The following PIK3R4 variants were observed in gnomAD, a reference collection of about 807,000 sequenced individuals.
PIK3R4 encodes phosphoinositide 3-kinase regulatory subunit 4.
PIK3R4 carries 46 observed loss-of-function variants against 136.5 expected under a neutral mutation model. The ratio of observed to expected loss-of-function variants is 0.34; its 90% CI spans 0.27 to 0.43. PIK3R4 has a LOEUF of 0.43. Among genes scored for constraint, PIK3R4 ranks in the 20% least tolerant of loss-of-function variants. PIK3R4 has a pLI of 1.00. For missense variants in PIK3R4, 1,331 were observed against 1,649.5 expected (o/e 0.81, Z 3.35); for synonymous variants, 557 against 566.7 (o/e 0.98, Z 0.24).
At chr3:130,687,377 A>C (rs2066495731) in intron 14 of PIK3R4, among the ~76,000 whole-genome samples, 1 of 152,152 alleles carries the variant, frequency 6.6e-6, no homozygotes, top group Non-Finnish European at 1.5e-5. Flanking sequence ...TGTTAACTTG[A>C]ATCATGTGAA....
chr3:130,716,455 C>G lies in PIK3R4; in HGVS notation c.2272G>C (p.Asp758His). The stretch of plus-strand genomic sequence containing the variant: ...GCAGGATCCTCTGGCGGAGGGCAGT[C>G]GGGAAGAGAACCATTTCGTTTCTTC... ...RQKKRNGSLP[D>H]CPPPEDPAIA... Residue 758 changes from aspartate to histidine, a missense_variant, in exon 9 of 20, where the codon GAC (aspartate) becomes CAC (histidine). Transcript: ENST00000356763. 1 of 1,614,142 alleles carries G rather than the reference C, an allele frequency of 6.2e-7. No individual in the cohort carries two copies. Among genetic ancestry groups the G allele is most frequent in the Non-Finnish European group, 8.5e-7 (1 of 1,180,018 alleles).
rs960748597 is a variant in PIK3R4 at position 130,730,332 on chromosome 3, G to A, written c.1561C>T (p.His521Tyr). 1.9e-6 allele frequency: 3 copies of A among 1,594,020 alleles called. No individual in the cohort carries two copies. In the African/African-American group the frequency reaches 4.1e-5, roughly 22 times the overall value. ...CCTGTGTCATAATTTCCATTTGGAT[G>A]TGTAACCTCATCTATTTCTTCATTA... ...PNNEEIDEVT[H>Y]PNGNYDTELQ... Residue 521 changes from histidine (H) to tyrosine (Y), a missense_variant, in exon 5 of 20, where the codon CAT (histidine) becomes TAT (tyrosine). Coordinates refer to ENST00000356763, the MANE Select transcript of PIK3R4 (RefSeq NM_014602.3).
At chr3:130,737,470 G>A (rs1261420024) in intron 2 of PIK3R4, among the ~76,000 whole-genome samples, 4 of 152,156 alleles carry the variant, frequency 2.6e-5, no homozygotes, top group Admixed American at 6.5e-5. Context: ...GACCAGCCTG[G>A]CCAACACAGT....
At chr3:130,715,366 C>T (rs1223101065) in intron 9 of PIK3R4, among the ~76,000 whole-genome samples, 1 of 152,028 alleles carries the variant, frequency 6.6e-6, no homozygotes. Context: ...TCGGGTGACC[C>T]ACCCACCTCG....
chr3:130,708,448 G>C lies in PIK3R4; in HGVS notation c.2376C>G (p.Asp792Glu). Residue 792 changes from aspartate to glutamate, a missense_variant, in exon 10 of 20, where the codon GAC (aspartate) becomes GAG (glutamate). By Grantham distance (45) the Asp-to-Glu change is conservative. Around this residue, in one of 2 missense-constraint regions of PIK3R4, gnomAD observed 1,180 missense variants for 1,407.0 expected, o/e 0.84. Transcript: ENST00000356763. ...EEEDKLLALK[D>E]FMMKSNKAKA... ...TTGCTTTATTAGATTTCATCATGAA[G>C]TCTTTCAGTGCCAGAAGTTTGTCTT... 1 of 1,613,402 alleles carries C rather than the reference G, an allele frequency of 6.2e-7. No individual in the cohort carries two copies. Among genetic ancestry groups the C allele is most frequent in the Non-Finnish European group, 8.5e-7 (1 of 1,179,458 alleles).
chr3:130,700,907 C>A (rs2066570636), intron 13 of PIK3R4, among the ~76,000 whole-genome samples: 1 of 152,172 alleles, frequency 6.6e-6, no homozygotes, highest in Admixed American at 6.5e-5. Flanking sequence ...GGTGTTACAG[C>A]AAAGCAAAAG....
chr3:130,717,815 A>C (rs2066674027), intron 8 of PIK3R4, among the ~76,000 whole-genome samples: 1 of 152,186 alleles, frequency 6.6e-6, no homozygotes, highest in Non-Finnish European at 1.5e-5. Context: ...CTATCTTGAT[A>C]ATTTGCTGTC....
chr3:130,687,413 C>T (rs1157858665), intron 14 of PIK3R4, among the ~76,000 whole-genome samples: 2 of 152,130 alleles, frequency 1.3e-5, no homozygotes, highest in Non-Finnish European at 2.9e-5. Context: ...CTAGGATTCT[C>T]CATTGTAAAC....
At position 130,703,813 on chromosome 3, in the gene PIK3R4, T is replaced by C. The variant is rs757525023; in HGVS notation, c.3008A>G (p.Asp1003Gly). 2 of 1,612,248 alleles carry C rather than the reference T, an allele frequency of 1.2e-6. No individual in the cohort carries two copies. Among genetic ancestry groups the C allele is most frequent in the South Asian group, 2.2e-5 (2 of 91,028 alleles). The change falls in exon 13 of 20, where the codon GAT (aspartate) becomes GGT (glycine). Residue 1003 changes from aspartate to glycine, a missense_variant. By Grantham distance (94) the Asp-to-Gly change is moderately conservative. Coordinates refer to ENST00000356763, the MANE Select transcript of PIK3R4 (RefSeq NM_014602.3). ...KSAVNRIRVS[D>G]EHSLFATCSN... ...ACATGTTGCAAAAAGTGAGTGTTCATCAGAGACTCTAATTCGATTCACAGC... is the reference window on the plus strand; with the variant it reads ...ACATGTTGCAAAAAGTGAGTGTTCACCAGAGACTCTAATTCGATTCACAGC...
intron 6 of PIK3R4, among the ~76,000 whole-genome samples, chr3:130,724,405 G>A (rs1017938099): frequency 2.0e-5 from 3 of 151,974 alleles, no homozygotes. Context: ...CACTGAATTG[G>A]GATTGTGATG....
At chr3:130,681,703 C>T (rs1576448856) in intron 16 of PIK3R4, 112 bp from the exon 17 acceptor site, 1 of 631,694 alleles carries the variant, frequency 1.6e-6, no homozygotes. Context: ...TTCTTTCTTT[C>T]AGGGGGAGAG....
chr3:130,693,182 G>C (rs60584758), intron 13 of PIK3R4, among the ~76,000 whole-genome samples: 1 of 152,052 alleles, frequency 6.6e-6, no homozygotes, highest in Admixed American at 6.5e-5. Context: ...CCGTTTTATG[G>C]CTGGTTTTCA....
In PIK3R4 at chr3:130,679,423, G is replaced by A. The variant is rs199874599; in HGVS notation, c.3969C>T (p.Ser1323=). 4 of 1,613,004 alleles carry A rather than the reference G, an allele frequency of 2.5e-6. No homozygotes were observed. The highest frequency in any genetic ancestry group is 3.3e-5 in the Admixed American group (2 of 60,016). ...TGATGTCATGATGTCCCACGGGCAG[G>A]GACTCTGGGCCCCTTCGAGGGGTGT... The part of the protein sequence containing the change: ...SDDTPRRGPE[S]LPVGHHDIIT... Residue 1323 remains serine (S), a synonymous_variant, in exon 20 of 20, where the codon TCC becomes TCT. Coordinates refer to ENST00000356763, the MANE Select transcript of PIK3R4 (RefSeq NM_014602.3).
At position 130,681,602 on chromosome 3, in the gene PIK3R4, C is replaced by T. The variant is rs1274988298; in HGVS notation, c.3608-11G>A. 11 of 1,514,402 alleles carry T rather than the reference C, an allele frequency of 7.3e-6. No individual in the cohort carries two copies. In the African/African-American group the frequency reaches 1.1e-4, roughly 15 times the overall value. The allele number at this position is 1,514,402 out of a possible 1,614,324, so 93.8% of individuals were successfully genotyped here. On this transcript the variant is annotated splice_polypyrimidine_tract_variant and intron_variant, in intron 16 of 19. Transcript: ENST00000356763. ...TGTTGCCCTGAACAGCTAAAGGAAA[C>T]AAAGGCCAGAATCTTGACTCAGACA...
intron 14 of PIK3R4, among the ~76,000 whole-genome samples, chr3:130,687,990 C>CA (rs2066498314): frequency 1.3e-5 from 2 of 152,102 alleles, no homozygotes; most frequent in Non-Finnish European, 2.9e-5. Context: ...TCTCAATGGC[C>CA]AGAGCTAAAA....
In PIK3R4 at chr3:130,746,463, G is replaced by C. The variant is rs539832897; in HGVS notation, c.-192C>G. 2 of 152,404 alleles carry C rather than the reference G, an allele frequency of 1.3e-5. No homozygotes were observed. Among genetic ancestry groups the C allele is most frequent in the East Asian group, 3.9e-4 (2 of 5,182 alleles). 9.4% of individuals were successfully genotyped at this position (152,404 alleles called of 1,614,324 possible). On this transcript the variant is annotated 5_prime_UTR_variant, in exon 1 of 20. Transcript: ENST00000356763. Reference sequence around the variant, plus strand: ...TTTCTTCATAGACAGGAGATGGGCTGTTGGTGGAGGGGCGCAGAAAAGTCC... The same window carrying C: ...TTTCTTCATAGACAGGAGATGGGCTCTTGGTGGAGGGGCGCAGAAAAGTCC...
At position 130,718,389 on chromosome 3, in the gene PIK3R4, C is replaced by A; in HGVS notation, c.2127G>T (p.Gln709His). The A allele has an allele frequency of 6.2e-7, 1 of 1,612,292 alleles. No individual in the cohort carries two copies. The highest frequency in any genetic ancestry group is 8.5e-7 in the Non-Finnish European group (1 of 1,178,784). Residue 709 changes from glutamine to histidine, a missense_variant and splice_region_variant, in exon 8 of 20, where the codon CAG becomes CAT. Gln to His is a conservative substitution (Grantham distance 24). This residue lies in a region of PIK3R4 where 1,180 missense variants were observed against 1,407.0 expected (regional missense o/e 0.84). Transcript: ENST00000356763. ...TGACTCCAACTTGGAACATGTATAC[C>A]TGTATTATTGGTTGGGTAATATATG... is the stretch of plus-strand genomic sequence containing the variant. ...LDPYITQPII[Q>H]IERKLVLLSV...
chr3:130,697,063 C>CTTTTTTTT lies in PIK3R4; in HGVS notation c.3099-6417_3099-6410dup, dbSNP rs60432343. ...TTCTATCTGACATTGGCCACTCCAG[C>CTTTTTTTT]TTTTTTTTTTTTTTTTTTTTTTTTT... On this transcript the variant is annotated intron_variant, in intron 13 of 19. Coordinates refer to ENST00000356763, the MANE Select transcript of PIK3R4 (RefSeq NM_014602.3). 2.2e-4 allele frequency among the ~76,000 whole-genome samples: 16 copies of CTTTTTTTT among 73,068 alleles called. 1 individual carries two copies. The highest frequency in any genetic ancestry group is 2.5e-4 in the African/African-American group (4 of 15,964). The allele number at this position is 73,068 out of a possible 152,430, so 47.9% of individuals were successfully genotyped here. A position where few individuals can be genotyped will look rare whatever the true frequency, so the allele number is the denominator to read the frequency against.
intron 4 of PIK3R4, among the ~76,000 whole-genome samples, chr3:130,732,345 C>T (rs145780170): frequency 0.013 from 1,914 of 152,182 alleles, 19 homozygotes; most frequent in Middle Eastern, 0.051. Flanking sequence ...AGAACATGAC[C>T]CGTTTAACAC....
Sources: gnomAD v4.1 joint callset for allele counts (sites outside exome capture counted in the v4.1 genomes callset) on GRCh38, gnomAD v4.1.1 for gene constraint, gnomAD v4.1.1 regional missense constraint, MANE v1.5 for transcripts, NCBI Gene and HGNC (gene_info 2026-07-23, HGNC 2026-07-21) for gene names.